Variants in ZNF19 observed in about 807,000 individuals in gnomAD.
ZNF19 encodes zinc finger protein 19, also known as zinc finger protein 19 (KOX 12).
A neutral mutation model predicts 13.1 loss-of-function variants in ZNF19; 11 were observed. The ratio of observed to expected loss-of-function variants is 0.84; its 90% CI spans 0.53 to 1.39. The LOEUF (loss-of-function observed/expected upper bound fraction) is 1.39. Ranked by LOEUF, ZNF19 falls within the 40% of genes most tolerant of loss-of-function variation. ZNF19 has a pLI of 0.00. For synonymous variants in ZNF19, 186 were observed against 187.0 expected (o/e 0.99, Z 0.04); for missense variants, 560 against 547.0 (o/e 1.02, Z -0.24).
Position 71,475,509 on chromosome 16 carries a change from C to A in ZNF19, c.1038G>T (p.Arg346=). ...QAFNFHTKLT[R]HQRIHSEEKP... Reference sequence around the variant, plus strand: ...TCTCCTCACTGTGAATTCTCTGGTGCCGAGTTAGTTTTGTATGAAAATTGA... The same window carrying A: ...TCTCCTCACTGTGAATTCTCTGGTGACGAGTTAGTTTTGTATGAAAATTGA... The change falls in exon 6 of 6, where the codon CGG becomes CGT. Residue 346 remains arginine (R), a synonymous_variant. Transcript: ENST00000288177. 1 of 1,614,150 alleles carries A rather than the reference C, an allele frequency of 6.2e-7. No individual in the cohort carries two copies. The highest frequency in any genetic ancestry group is 8.5e-7 in the Non-Finnish European group (1 of 1,180,020).
At chr16:71,483,177 TG>T (rs1201124521) in intron 2 of ZNF19, among the ~76,000 whole-genome samples, 2 of 152,242 alleles carry the variant, frequency 1.3e-5, no homozygotes, top group African/African-American at 4.8e-5. Flanking sequence ...GCATCTTTTT[TG>T]TTCATTGCCC....
At chr16:71,488,512 G>A (rs567562377) in intron 1 of ZNF19, among the ~76,000 whole-genome samples, 1 of 151,624 alleles carries the variant, frequency 6.6e-6, no homozygotes, top group South Asian at 2.1e-4. Flanking sequence ...TTAAAAGTGA[G>A]TTCAGACTGG....
rs1329789969 is a variant in ZNF19, at chr16:71,474,629, T to C, written c.*541A>G. On this transcript the variant is annotated 3_prime_UTR_variant, in exon 6 of 6. Coordinates refer to ENST00000288177, the MANE Select transcript of ZNF19 (RefSeq NM_006961.4). The stretch of plus-strand genomic sequence containing the variant: ...TAACTAAAGACTTTCCCATATATCA[T>C]ACACACAAAACATTTCTCCATCAGG... 3 of 156,572 alleles carry C rather than the reference T, an allele frequency of 1.9e-5. No homozygotes were observed. Among genetic ancestry groups the C allele is most frequent in the Admixed American group, 6.2e-5 (1 of 16,134 alleles). The allele number at this position is 156,572 out of a possible 1,614,324, so 9.7% of individuals were successfully genotyped here. A position where few individuals can be genotyped will look rare whatever the true frequency, so the allele number is the denominator to read the frequency against.
At chr16:71,482,023 C>T in intron 3 of ZNF19, 59 bp downstream of exon 3, 1 of 1,586,446 alleles carries the variant, frequency 6.3e-7, no homozygotes, top group Middle Eastern at 1.7e-4. Flanking sequence ...CACCTTTATC[C>T]ACCTCATTTC....
chr16:71,482,131 TAGC>T lies in ZNF19; in HGVS notation c.-20_-18del. The T allele has an allele frequency of 6.2e-7, 1 of 1,614,052 alleles. No individual in the cohort carries two copies. Among genetic ancestry groups the T allele is most frequent in the Non-Finnish European group, 8.5e-7 (1 of 1,179,990 alleles). ...GGCTGCCATGACCTGGTCTCCCTCT[TAGC>T]AGGCAAAGGCTGAGGGAAGAAACAG... is the stretch of plus-strand genomic sequence containing the variant. On this transcript the variant is annotated 5_prime_UTR_variant, in exon 3 of 6. Coordinates refer to ENST00000288177, the MANE Select transcript of ZNF19 (RefSeq NM_006961.4).
At chr16:71,484,053 T>C (rs1355425914) in intron 2 of ZNF19, among the ~76,000 whole-genome samples, 1 of 152,222 alleles carries the variant, frequency 6.6e-6, no homozygotes, top group African/African-American at 2.4e-5. Flanking sequence ...GAGAGTGTGC[T>C]GTTAGATGAT....
intron 3 of ZNF19, 85 bp downstream of exon 3, chr16:71,481,997 T>C: frequency 6.7e-7 from 1 of 1,502,858 alleles, no homozygotes; most frequent in South Asian, 1.1e-5. Context: ...GCTTTGGCTC[T>C]AAGACTTGCC....
chr16:71,483,640 CTCTGTT>C (rs2043653607), intron 2 of ZNF19, among the ~76,000 whole-genome samples: 1 of 152,222 alleles, frequency 6.6e-6, no homozygotes, highest in Admixed American at 6.5e-5. Flanking sequence ...GGTCAGGTGT[CTCTGTT>C]AAACACTCCA....
At chr16:71,482,511 G>A (rs1434739226) in intron 2 of ZNF19, among the ~76,000 whole-genome samples, 6 of 152,136 alleles carry the variant, frequency 3.9e-5, no homozygotes, top group African/African-American at 1.4e-4. Flanking sequence ...AAAATAGCAA[G>A]TATCATGCTT....
chr16:71,484,830 C>A, intron 1 of ZNF19, 82 bp from the exon 2 acceptor site: 1 of 670,526 alleles, frequency 1.5e-6, no homozygotes, highest in East Asian at 1.4e-4. Flanking sequence ...TGGCAACAAA[C>A]TACTGTAGTA....
At chr16:71,489,126 G>C (rs1024315053) in intron 1 of ZNF19, 146 bp downstream of exon 1, 5 of 504,290 alleles carry the variant, frequency 9.9e-6, no homozygotes, top group Non-Finnish European at 1.0e-5. Context: ...AGAGCAAACA[G>C]CCCAGGTCCC....
intron 4 of ZNF19, 182 bp downstream of exon 4, chr16:71,478,697 A>G: frequency 1.2e-6 from 1 of 831,002 alleles, no homozygotes; most frequent in East Asian, 2.4e-5. Context: ...AAAGTGACCC[A>G]AGACCTCTCC....
chr16:71,485,160 G>A (rs1017548867), intron 1 of ZNF19, among the ~76,000 whole-genome samples: 1 of 152,134 alleles, frequency 6.6e-6, no homozygotes, highest in Non-Finnish European at 1.5e-5. Context: ...AGAAAGACCA[G>A]GTCAGCAGGC....
chr16:71,475,621 C>A lies in ZNF19; in HGVS notation c.926G>T (p.Ser309Ile). The A allele has an allele frequency of 1.9e-6, 3 of 1,614,060 alleles. No homozygotes were observed. The highest frequency in any genetic ancestry group is 2.5e-6 in the Non-Finnish European group (3 of 1,180,034). The change falls in exon 6 of 6, where the codon AGC becomes ATC. Residue 309 changes from serine (S) to isoleucine (I), a missense_variant. Transcript: ENST00000288177. ...KPYECNECGKSFGRTSHLSQH... is the reference protein window; with the variant it reads ...KPYECNECGKIFGRTSHLSQH... ...GCTTAGATGGGAAGTCCTTCCAAAG[C>A]TTTTGCCACACTCATTACACTCATA... is the stretch of plus-strand genomic sequence containing the variant.
chr16:71,485,107 CA>C (rs889797650), intron 1 of ZNF19, among the ~76,000 whole-genome samples: 2 of 152,058 alleles, frequency 1.3e-5, no homozygotes, highest in African/African-American at 4.8e-5. Context: ...GGTCTTTGCA[CA>C]AAAAAGCTGT....
rs573158080 is a variant in ZNF19, at chr16:71,474,284, T to C, written c.*886A>G. The C allele has an allele frequency of 6.6e-6, 1 of 152,184 alleles. No individual in the cohort carries two copies. The highest frequency in any genetic ancestry group is 1.5e-5 in the Non-Finnish European group (1 of 68,038). 9.4% of individuals were successfully genotyped at this position (152,184 alleles called of 1,614,324 possible). On this transcript the variant is annotated 3_prime_UTR_variant, in exon 6 of 6. Transcript: ENST00000288177. ...CTGTCCTAGGAATTAAAATGGCAAA[T>C]ACCAAGATATAATAGCTACAATAGC... is the stretch of plus-strand genomic sequence containing the variant.
rs147750116 is a variant in ZNF19 at position 71,474,975 on chromosome 16, G to A, written c.*195C>T. 153 of 648,118 alleles carry A rather than the reference G, an allele frequency of 2.4e-4. 3 individuals carry two copies. The South Asian group carries it at 2.6e-3, about 11-fold the overall frequency. 40.1% of individuals were successfully genotyped at this position (648,118 alleles called of 1,614,324 possible). On this transcript the variant is annotated 3_prime_UTR_variant, in exon 6 of 6. Transcript: ENST00000288177. ...AGCATTAAAACCAATGGGGGTGGGC[G>A]GGGGGAGAGTATTTGTTCCTATTAG...
In ZNF19 at chr16:71,478,961, T is replaced by C. The variant is rs1192852724; in HGVS notation, c.78A>G (p.Thr26=). ...FEDVAVHFTK[T]EWTGLSPAQR... ...GGGCAGGAGAAAGGCCAGTCCATTC[T>C]GTCTTGGTGAAGTGCACAGCCACAT... Residue 26 remains threonine (T), a synonymous_variant, in exon 4 of 6, where the codon ACA becomes ACG. Coordinates refer to ENST00000288177, the MANE Select transcript of ZNF19 (RefSeq NM_006961.4). The C allele has an allele frequency of 5.6e-6, 9 of 1,614,104 alleles. No individual in the cohort carries two copies. The highest frequency in any genetic ancestry group is 7.6e-6 in the Non-Finnish European group (9 of 1,180,052).
Position 71,475,238 on chromosome 16 carries a change from C to A in ZNF19, c.1309G>T (p.Gly437Ter). The A allele has an allele frequency of 1.2e-6, 2 of 1,614,128 alleles. No individual in the cohort carries two copies. The highest frequency in any genetic ancestry group is 1.7e-6 in the Non-Finnish European group (2 of 1,180,016). Residue 437 changes from glycine to a stop codon, truncating the protein, a stop_gained, in exon 6 of 6, where the codon GGA (glycine) becomes TGA (stop). Transcript: ENST00000288177. LOFTEE classifies it high-confidence loss of function. ...CAAATGTCCAGCACAGGCTTCTCTC[C>A]AGAGTAGACATGCTCAAGGTGACCT... is the stretch of plus-strand genomic sequence containing the variant. ...QLGHLEHVYSGEKPVLDICRF... is the reference protein window; with the variant it reads ...QLGHLEHVYS
Sources: gnomAD v4.1 joint callset for allele counts (sites outside exome capture counted in the v4.1 genomes callset) on GRCh38, gnomAD v4.1.1 for gene constraint, MANE v1.5 for transcripts, NCBI Gene and HGNC (gene_info 2026-07-23, HGNC 2026-07-21) for gene names.